The following RNF128 variants were observed in gnomAD, a reference collection of about 807,000 sequenced individuals.
RNF128 encodes the protein ring finger protein 128, also known as E3 ubiquitin-protein ligase RNF128.
In RNF128, 13 loss-of-function variants were observed where a neutral mutation model predicts 26.2. That is an observed-to-expected ratio of 0.50 (90% CI 0.32 to 0.79). The LOEUF is 0.79. Among genes scored for constraint, RNF128 ranks in the 30% least tolerant of loss-of-function variants. The pLI is 0.03. For missense variants in RNF128, 315 were observed against 349.7 expected, an observed-to-expected ratio of 0.90 and a Z score of 0.79; for synonymous variants, 149 against 142.5, an observed-to-expected ratio of 1.05 and a Z score of -0.32.
chrX:106,733,793 C>T (rs1327340359), intron 1 of RNF128, among the ~76,000 whole-genome samples: 2 of 110,561 alleles, frequency 1.8e-5, no homozygotes, highest in Non-Finnish European at 3.8e-5. Context: ...CTCCTCTTCC[C>T]GGGTTCAAGT....
intron 1 of RNF128, among the ~76,000 whole-genome samples, chrX:106,768,062 A>T (rs1017821154): frequency 1.8e-4 from 20 of 112,105 alleles, no homozygotes; most frequent in African/African-American, 6.5e-4. Context: ...CCAGGGATGA[A>T]GCCAACTTGA....
At chrX:106,748,899 A>T (rs1929831452) in intron 1 of RNF128, among the ~76,000 whole-genome samples, 1 of 112,057 alleles carries the variant, frequency 8.9e-6, no homozygotes, top group Non-Finnish European at 1.9e-5. Flanking sequence ...AACACAAAGA[A>T]AAATAAATAT....
intron 1 of RNF128, among the ~76,000 whole-genome samples, chrX:106,743,563 A>G (rs1240942885): frequency 8.9e-6 from 1 of 112,596 alleles, no homozygotes; most frequent in East Asian, 2.8e-4. Context: ...GAATTCATTG[A>G]TATTGTTTCA....
intron 2 of RNF128, among the ~76,000 whole-genome samples, chrX:106,783,618 A>G (rs1198557359): frequency 1.8e-5 from 2 of 111,424 alleles, no homozygotes; most frequent in Admixed American, 1.9e-4. Flanking sequence ...TTATCTTGCC[A>G]TGCTGCACAT....
chrX:106,753,271 GAT>G (rs1401902862), intron 1 of RNF128, among the ~76,000 whole-genome samples: 1 of 111,626 alleles, frequency 9.0e-6, no homozygotes, highest in Non-Finnish European at 1.9e-5. Flanking sequence ...AGTATAATAA[GAT>G]ATGAATAGAA....
chrX:106,694,306 T>C (rs1456497106), exon 1 of RNF128: 1 of 1,210,326 alleles, frequency 8.3e-7, no homozygotes, highest in South Asian at 1.8e-5. Context: ...TAATTGTACA[T>C]TTTCAGAAAA....
At chrX:106,765,724 TTTA>T (rs1239317029) in intron 1 of RNF128, among the ~76,000 whole-genome samples, 3 of 111,759 alleles carry the variant, frequency 2.7e-5, no homozygotes, top group African/African-American at 9.8e-5. Flanking sequence ...TGTTGGTTTT[TTTA>T]TTATTATACT....
chrX:106,772,939 A>G lies in RNF128; in HGVS notation c.511A>G (p.Ile171Val). The part of the protein sequence containing the change: ...PGAVDIVAIM[I>V]GNLKGTKILQ... The stretch of plus-strand genomic sequence containing the variant: ...TGCAGTAGACATTGTTGCAATCATG[A>G]TCGGCAATCTGAAAGGCACAAAAAT... Residue 171 changes from isoleucine (I) to valine (V), a missense_variant, in exon 2 of 7, where the codon ATC becomes GTC. By Grantham distance (29) the Ile-to-Val change is conservative. Coordinates refer to ENST00000255499, the MANE Select transcript of RNF128 (RefSeq NM_194463.2). The G allele has an allele frequency of 1.4e-5, 17 of 1,210,447 alleles. No homozygotes were observed. Among genetic ancestry groups the G allele is most frequent in the Non-Finnish European group, 1.9e-5 (17 of 894,731 alleles).
intron 2 of RNF128, among the ~76,000 whole-genome samples, chrX:106,775,342 A>G (rs1349481477): frequency 8.9e-6 from 1 of 112,134 alleles, no homozygotes; most frequent in Non-Finnish European, 1.9e-5. Flanking sequence ...GTGCTATAAT[A>G]AATTTATTGA....
intron 1 of RNF128, 95 bp from the exon 2 acceptor site, chrX:106,772,818 G>T: frequency 1.1e-6 from 1 of 890,731 alleles, no homozygotes; most frequent in Non-Finnish European, 1.6e-6. Flanking sequence ...TCCTTCCTTT[G>T]TCTCATTGAG....
At chrX:106,785,446 T>A (rs371984090) in intron 3 of RNF128, among the ~76,000 whole-genome samples, 1 of 111,391 alleles carries the variant, frequency 9.0e-6, no homozygotes. Context: ...TGCAGTGTCC[T>A]TATAAGAGGG....
At position 106,781,510 on chromosome X, in the gene RNF128, G is replaced by A. The variant is rs1402076443; in HGVS notation, c.733-3555G>A. Among the ~76,000 whole-genome samples the A allele has an allele frequency of 4.5e-5, 5 of 110,954 alleles. No individual in the cohort carries two copies. The South Asian group carries it at 1.5e-3, about 34-fold the overall frequency. The stretch of plus-strand genomic sequence containing the variant: ...TTCAGTTTTTTTAAGAGGGAGGCTT[G>A]CATCTTGGAACTCTTGCTATCAGTG... On this transcript the variant is annotated intron_variant, in intron 2 of 6. Coordinates refer to ENST00000255499, the MANE Select transcript of RNF128 (RefSeq NM_194463.2).
chrX:106,782,987 G>T (rs144893407), intron 2 of RNF128, among the ~76,000 whole-genome samples: 26 of 112,142 alleles, frequency 2.3e-4, no homozygotes, highest in African/African-American at 8.1e-4. Context: ...TATTTGTGCT[G>T]AAATTAAGTC....
intron 1 of RNF128, among the ~76,000 whole-genome samples, chrX:106,747,496 C>G (rs1929810084): frequency 9.0e-6 from 1 of 111,043 alleles, no homozygotes; most frequent in Non-Finnish European, 1.9e-5. Flanking sequence ...TCTTCCTTTG[C>G]CAGACTTGAT....
chrX:106,749,477 TTTC>T (rs1267605826), intron 1 of RNF128, among the ~76,000 whole-genome samples: 1 of 110,806 alleles, frequency 9.0e-6, no homozygotes, highest in African/African-American at 3.3e-5. Context: ...ACTAAAAGGG[TTTC>T]TTTCTTGTTC....
intron 1 of RNF128, among the ~76,000 whole-genome samples, chrX:106,712,315 G>A (rs1434894601): frequency 8.9e-6 from 1 of 112,013 alleles, no homozygotes; most frequent in Non-Finnish European, 1.9e-5. Flanking sequence ...CTAATAAGCA[G>A]CAACTCTGAG....
At chrX:106,704,400 C>A (rs758016961) in intron 1 of RNF128, among the ~76,000 whole-genome samples, 44 of 100,251 alleles carry the variant, frequency 4.4e-4, no homozygotes, top group Non-Finnish European at 7.4e-4. Flanking sequence ...GCCACGCACT[C>A]CAGCCTGGGC....
At chrX:106,782,115 C>G (rs984747029) in intron 2 of RNF128, among the ~76,000 whole-genome samples, 2 of 112,368 alleles carry the variant, frequency 1.8e-5, no homozygotes, top group African/African-American at 6.5e-5. Flanking sequence ...AATGAGAAAT[C>G]AGACTGTATA....
chrX:106,702,314 T>C (rs1363823304), intron 1 of RNF128, among the ~76,000 whole-genome samples: 7 of 111,713 alleles, frequency 6.3e-5, no homozygotes, highest in African/African-American at 2.0e-4. Context: ...ATTTGTTCAT[T>C]AACATATCCT....
Sources: gnomAD v4.1 joint callset for allele counts (sites outside exome capture counted in the v4.1 genomes callset) on GRCh38, gnomAD v4.1.1 for gene constraint, MANE v1.5 for transcripts, NCBI Gene and HGNC (gene_info 2026-07-23, HGNC 2026-07-21) for gene names.